Variants in GALNT9 observed in about 807,000 individuals in gnomAD.
The protein encoded by GALNT9 is GalNAc transferase 9.
GALNT9 carries 47 observed loss-of-function variants against 63.1 expected under a neutral mutation model. The ratio of observed to expected loss-of-function variants is 0.75; its 90% CI spans 0.59 to 0.95. The LOEUF (loss-of-function observed/expected upper bound fraction) is 0.95, where lower values mean the gene tolerates loss of function less well. Ranked by LOEUF, GALNT9 falls within the 40% of genes least tolerant of loss-of-function variation. The pLI, the probability that GALNT9 is intolerant of heterozygous loss-of-function variation, is 0.00. For missense variants in GALNT9, 829 were observed against 874.8 expected, an observed-to-expected ratio of 0.95 and a Z score of 0.66; for synonymous variants, 396 against 365.7, an observed-to-expected ratio of 1.08 and a Z score of -0.94.
At position 132,315,591 on chromosome 12, in the gene GALNT9, G is replaced by A. The variant is rs111601513; in HGVS notation, c.238+13375C>T. Among the ~76,000 whole-genome samples the A allele has an allele frequency of 0.054, 8,221 of 152,254 alleles. 717 individuals carry two copies. Among genetic ancestry groups the A allele is most frequent in the African/African-American group, 0.19 (7,716 of 41,498 alleles). On this transcript the variant is annotated intron_variant, in intron 1 of 10. Coordinates refer to ENST00000328957, the MANE Select transcript of GALNT9 (RefSeq NM_001122636.2). This position sits in a 1 kb window ranked among gnomAD's most constrained non-coding sequence, Gnocchi z 6.1. ...AAAGTAAAAATAGCCCCTTTCTGCCGTGGGATGTGGGCGAGGTTGCGCCGC... is the reference window on the plus strand; with the variant it reads ...AAAGTAAAAATAGCCCCTTTCTGCCATGGGATGTGGGCGAGGTTGCGCCGC...
chr12:132,215,061 G>A (rs985713017), intron 6 of GALNT9, among the ~76,000 whole-genome samples: 1 of 152,234 alleles, frequency 6.6e-6, no homozygotes, highest in African/African-American at 2.4e-5. Flanking sequence ...GTCCTCACCT[G>A]CCACGCTGTC....
At chr12:132,213,492 A>ACTCCACTCACACACACGCC (rs1877052285) in intron 6 of GALNT9, among the ~76,000 whole-genome samples, 1 of 57,520 alleles carries the variant, frequency 1.7e-5, no homozygotes, top group African/African-American at 6.2e-5. Flanking sequence ...ACACACACGC[A>ACTCCACTCACACACACGCC]CTCCACTCAC....
At position 132,197,916 on chromosome 12, in the gene GALNT9, A is replaced by G. The variant is rs373444037; in HGVS notation, c.1541T>C (p.Leu514Pro). 1 of 1,611,572 alleles carries G rather than the reference A, an allele frequency of 6.2e-7. No homozygotes were observed. The highest frequency in any genetic ancestry group is 1.3e-5 in the African/African-American group (1 of 74,928). ...GTCAGGCAAGAAGGCTGTGGAGCCCAGAGGCCCCAGCTGCAGCAGTCCATC... is the reference window on the plus strand; with the variant it reads ...GTCAGGCAAGAAGGCTGTGGAGCCCGGAGGCCCCAGCTGCAGCAGTCCATC... Reference protein sequence around the residue: ...SADGLLQLGPLGSTAFLPDSK... With the variant: ...SADGLLQLGPPGSTAFLPDSK... The change falls in exon 10 of 11, where the codon CTG (leucine) becomes CCG (proline). Residue 514 changes from leucine (L) to proline (P), a missense_variant. Physicochemically the swap from Leu to Pro is moderately conservative, Grantham distance 98. Coordinates refer to ENST00000328957, the MANE Select transcript of GALNT9 (RefSeq NM_001122636.2).
intron 6 of GALNT9, among the ~76,000 whole-genome samples, chr12:132,227,168 A>G (rs1877725300): frequency 6.6e-6 from 1 of 152,188 alleles, no homozygotes; most frequent in African/African-American, 2.4e-5. Context: ...AGCCTGAGGA[A>G]ATGGCTAGGG....
intron 6 of GALNT9, chr12:132,240,467 A>G: frequency 2.7e-6 from 1 of 376,424 alleles, no homozygotes. Flanking sequence ...GAACGGAGCA[A>G]GAATAGCCGT....
At chr12:132,256,519 T>G (rs1879119040) in intron 5 of GALNT9, among the ~76,000 whole-genome samples, 1 of 145,856 alleles carries the variant, frequency 6.9e-6, no homozygotes. Context: ...TCATTTATTT[T>G]GAGAAAAACA....
rs1199127668 is a variant in GALNT9, at chr12:132,257,895, G to A, written c.762-9C>T. Reference sequence around the variant, plus strand: ...ACAGTGCGGGCTCGGCCCTGCGGAGGCACAGCTGTGAGGAGGGGCGGCCCC... The same window carrying A: ...ACAGTGCGGGCTCGGCCCTGCGGAGACACAGCTGTGAGGAGGGGCGGCCCC... On this transcript the variant is annotated splice_polypyrimidine_tract_variant and intron_variant, in intron 4 of 10. Coordinates refer to ENST00000328957, the MANE Select transcript of GALNT9 (RefSeq NM_001122636.2). The A allele has an allele frequency of 1.3e-6, 2 of 1,517,522 alleles. No homozygotes were observed. The highest frequency in any genetic ancestry group is 4.9e-5 in the East Asian group (2 of 40,606). 94.0% of individuals were successfully genotyped at this position (1,517,522 alleles called of 1,614,324 possible). A position where few individuals can be genotyped will look rare whatever the true frequency, so the allele number is the denominator to read the frequency against.
chr12:132,305,448 GAC>G (rs1881562011), intron 1 of GALNT9, among the ~76,000 whole-genome samples: 1 of 85,584 alleles, frequency 1.2e-5, no homozygotes, highest in Non-Finnish European at 2.2e-5. Context: ...GAATCGCCCA[GAC>G]ACAGCCTGAC....
At chr12:132,218,124 A>G (rs1184040944) in intron 6 of GALNT9, among the ~76,000 whole-genome samples, 1 of 151,720 alleles carries the variant, frequency 6.6e-6, no homozygotes, top group Non-Finnish European at 1.5e-5. Context: ...GCGACCATCT[A>G]TCCCTTCCTT....
chr12:132,273,574 C>G (rs1211582022), intron 2 of GALNT9: 2 of 152,746 alleles, frequency 1.3e-5, no homozygotes, highest in East Asian at 3.8e-4. Flanking sequence ...GCGTCCTCCC[C>G]ACTCCGATGT....
rs573910441 is a variant in GALNT9, at chr12:132,207,395, A to G, written c.1078-3705T>C. 1.4e-4 allele frequency among the ~76,000 whole-genome samples: 21 copies of G among 152,134 alleles called. No homozygotes were observed. In the South Asian group the frequency reaches 4.2e-3, roughly 30 times the overall value. On this transcript the variant is annotated intron_variant, in intron 6 of 10. Transcript: ENST00000328957. ...AGGAACCCCACAGCCACTTACGGCC[A>G]CTCTGTCCCCGGGGCCTTCTGTGGC... is the stretch of plus-strand genomic sequence containing the variant.
In GALNT9 at chr12:132,310,116, G is replaced by A. The variant is rs995297272; in HGVS notation, c.238+18850C>T. Among the ~76,000 whole-genome samples, 11 of 152,238 alleles carry A rather than the reference G, an allele frequency of 7.2e-5. No individual in the cohort carries two copies. The highest frequency in any genetic ancestry group is 1.5e-4 in the Non-Finnish European group (10 of 68,048). Reference sequence around the variant, plus strand: ...CAGCCCTGTACTGTTTTTCGTGCCTGGAACCAGGACTCAATGCTCGGGGCT... The same window carrying A: ...CAGCCCTGTACTGTTTTTCGTGCCTAGAACCAGGACTCAATGCTCGGGGCT... On this transcript the variant is annotated intron_variant, in intron 1 of 10. Coordinates refer to ENST00000328957, the MANE Select transcript of GALNT9 (RefSeq NM_001122636.2). This position sits in a 1 kb window ranked among gnomAD's most constrained non-coding sequence, Gnocchi z 4.8.
At position 132,282,430 on chromosome 12, in the gene GALNT9, CGTGCATGCGTGTGTGTGCGT is replaced by C. The variant is rs1566011891; in HGVS notation, c.419+3800_419+3819del. On this transcript the variant is annotated intron_variant, in intron 2 of 10. Coordinates refer to ENST00000328957, the MANE Select transcript of GALNT9 (RefSeq NM_001122636.2). This position sits in a 1 kb window ranked among gnomAD's most constrained non-coding sequence, Gnocchi z 4.5. ...GTGTGTGCGTGTGTGTGCGTGTGTG[CGTGCATGCGTGTGTGTGCGT>C]GTGCATGTGTGTGTGCACGCATGTG... 6.6e-6 allele frequency among the ~76,000 whole-genome samples: 1 copy of C among 151,878 alleles called. No homozygotes were observed. Among genetic ancestry groups the C allele is most frequent in the East Asian group, 1.9e-4 (1 of 5,156 alleles).
Position 132,329,070 on chromosome 12 carries a change from C to A in GALNT9, c.134G>T (p.Arg45Leu). The change falls in exon 1 of 11, where the codon CGC becomes CTC. Residue 45 changes from arginine to leucine, a missense_variant. Arg to Leu is a moderately radical substitution (Grantham distance 102). Transcript: ENST00000328957. ...CTTGGCGTGTCGGCTGCGCACCCGG[C>A]GGTCGCCGCTCACGATGCGCACGAG... ...QELVRIVSGD[R>L]RVRSRHAKVG... is the part of the protein sequence containing the mutation. The A allele has an allele frequency of 6.5e-7, 1 of 1,547,412 alleles. No individual in the cohort carries two copies. Among genetic ancestry groups the A allele is most frequent in the Non-Finnish European group, 8.7e-7 (1 of 1,146,366 alleles).
intron 6 of GALNT9, among the ~76,000 whole-genome samples, chr12:132,216,206 C>T (rs995968520): frequency 2.6e-5 from 4 of 152,068 alleles, no homozygotes; most frequent in Non-Finnish European, 5.9e-5. Flanking sequence ...GAGAGACAGA[C>T]ACGGAGAGAG....
At chr12:132,258,471 C>T (rs1879227930) in intron 4 of GALNT9, among the ~76,000 whole-genome samples, 1 of 152,226 alleles carries the variant, frequency 6.6e-6, no homozygotes, top group African/African-American at 2.4e-5. Context: ...TGTGCAGCGG[C>T]CCCGCTCAAG....
intron 1 of GALNT9, among the ~76,000 whole-genome samples, chr12:132,318,815 A>T (rs1031051525): frequency 6.6e-6 from 1 of 152,102 alleles, no homozygotes; most frequent in African/African-American, 2.4e-5. Flanking sequence ...CTCCTGCCCC[A>T]GCCCGGGCCA....
At chr12:132,325,631 C>T (rs1050641321) in intron 1 of GALNT9, among the ~76,000 whole-genome samples, 5 of 152,218 alleles carry the variant, frequency 3.3e-5, no homozygotes, top group African/African-American at 9.6e-5. Context: ...CTGAAACCAG[C>T]GCCACCTCGC....
intron 6 of GALNT9, among the ~76,000 whole-genome samples, chr12:132,243,740 C>G (rs1593081043): frequency 6.6e-6 from 1 of 152,214 alleles, no homozygotes. Context: ...CTCTCCCCAA[C>G]ATGCCACCAC....
Sources: allele counts gnomAD v4.1 joint callset (sites outside exome capture counted in the v4.1 genomes callset), GRCh38; gene constraint gnomAD v4.1.1; non-coding constraint Gnocchi (gnomAD v3.1); transcripts MANE v1.5; gene names NCBI Gene and HGNC (gene_info 2026-07-23, HGNC 2026-07-21).